The following AMBN variants were observed in gnomAD, a reference collection of about 807,000 sequenced individuals.
AMBN encodes the protein ameloblastin, also known as enamel matrix protein.
AMBN carries 54 observed loss-of-function variants against 48.0 expected under a neutral mutation model. The ratio of observed to expected loss-of-function variants is 1.12; its 90% CI spans 0.90 to 1.41. The LOEUF is 1.41. Ranked by LOEUF, AMBN falls within the 40% of genes most tolerant of loss-of-function variation. The pLI is 0.00. For missense variants in AMBN, 571 were observed against 547.3 expected, an observed-to-expected ratio of 1.04 and a Z score of -0.43; for synonymous variants, 186 against 190.0, an observed-to-expected ratio of 0.98 and a Z score of 0.17.
rs747119987 is a variant in AMBN at position 70,603,886 on chromosome 4, G to T, written c.763G>T (p.Ala255Ser). ...ATTTCTTTTTGAACAGAATGCCCCT[G>T]CCAGACTTGGCATCATGAGTTCAGA... ...PFGANQLNAP[A>S]RLGIMSSEEV... The change falls in exon 12 of 13, where the codon GCC becomes TCC. Residue 255 changes from alanine (A) to serine (S), a missense_variant. By Grantham distance (99) the Ala-to-Ser change is moderately conservative. Coordinates refer to ENST00000322937, the MANE Select transcript of AMBN (RefSeq NM_016519.6). The T allele has an allele frequency of 1.2e-6, 2 of 1,614,008 alleles. No individual in the cohort carries two copies. Among genetic ancestry groups the T allele is most frequent in the Admixed American group, 3.3e-5 (2 of 60,020 alleles).
intron 8 of AMBN, 52 bp from the exon 9 acceptor site, chr4:70,602,920 T>A: frequency 6.5e-7 from 1 of 1,536,852 alleles, no homozygotes; most frequent in Non-Finnish European, 8.8e-7. Context: ...TTTGCATTTA[T>A]CTATTTTGTT....
At chr4:70,597,095 A>G in intron 3 of AMBN, 46 bp downstream of exon 3, 1 of 1,535,974 alleles carries the variant, frequency 6.5e-7, no homozygotes, top group African/African-American at 1.4e-5. Context: ...ACATTGGTAT[A>G]TTTGTGGTAC....
chr4:70,592,402 G>A (rs1288805161), intron 1 of AMBN, 29 bp downstream of exon 1: 13 of 1,613,090 alleles, frequency 8.1e-6, no homozygotes, highest in African/African-American at 2.7e-5. Context: ...ATTTCCATGT[G>A]TTTCCTGTAA....
At chr4:70,593,280 G>T in intron 1 of AMBN, 47 bp from the exon 2 acceptor site, 2 of 1,486,996 alleles carry the variant, frequency 1.3e-6, no homozygotes, top group Admixed American at 3.5e-5. Context: ...TAACCATTCT[G>T]AATAAAAATT....
chr4:70,601,790 C>T lies in AMBN; in HGVS notation c.531+136C>T, dbSNP rs1310774927. On this transcript the variant is annotated intron_variant, in intron 6 of 12. Transcript: ENST00000322937. ...ATAAATATATTCTTAATCAGTCTTC[C>T]ACATCTGAGATTTATTTTTTGAGTA... 4.8e-6 allele frequency: 4 copies of T among 826,914 alleles called. No individual in the cohort carries two copies. In the East Asian group the frequency reaches 1.0e-4, roughly 21 times the overall value. 51.2% of individuals were successfully genotyped at this position (826,914 alleles called of 1,614,324 possible).
intron 1 of AMBN, among the ~76,000 whole-genome samples, chr4:70,592,800 T>C (rs1277601681): frequency 6.6e-6 from 1 of 152,176 alleles, no homozygotes; most frequent in Admixed American, 6.5e-5. Flanking sequence ...TTTACTCTCA[T>C]TTGAAAAGAA....
chr4:70,598,375 G>C lies in AMBN; in HGVS notation c.155G>C (p.Ser52Thr). 6.3e-7 allele frequency: 1 copy of C among 1,588,088 alleles called. No homozygotes were observed. Among genetic ancestry groups the C allele is most frequent in the Non-Finnish European group, 8.6e-7 (1 of 1,167,084 alleles). ...LSLETMRQLG[S>T]LQRLNTLSQY... ...TGATAGACAATGAGACAGTTGGGAA[G>C]TCTGCAGAGATTAAACACACTTTCT... The change falls in exon 4 of 13, where the codon AGT becomes ACT. Residue 52 changes from serine (S) to threonine (T), a missense_variant. Ser to Thr is a moderately conservative substitution (Grantham distance 58). Coordinates refer to ENST00000322937, the MANE Select transcript of AMBN (RefSeq NM_016519.6).
rs1737638537 is a variant in AMBN, at chr4:70,606,175, T to C, written c.799-10T>C. On this transcript the variant is annotated splice_polypyrimidine_tract_variant and intron_variant, in intron 12 of 12. Coordinates refer to ENST00000322937, the MANE Select transcript of AMBN (RefSeq NM_016519.6). Reference sequence around the variant, plus strand: ...ATGATGGCATCTTTGACGAATGTTTTTTTTTCCAGGGCGGGAGAGAAGACC... The same window carrying C: ...ATGATGGCATCTTTGACGAATGTTTCTTTTTCCAGGGCGGGAGAGAAGACC... 6.2e-7 allele frequency: 1 copy of C among 1,612,376 alleles called. No individual in the cohort carries two copies.
chr4:70,601,451 C>A lies in AMBN; in HGVS notation c.328C>A (p.Leu110Ile), dbSNP rs756726075. Residue 110 changes from leucine (L) to isoleucine (I), a missense_variant, in exon 6 of 13, where the codon CTC (leucine) becomes ATC (isoleucine). Transcript: ENST00000322937. ...EYSLPVHPPP[L>I]PSQPSLKPQQ... ...TTCTTTGCCTGTGCATCCCCCACCT[C>A]TCCCATCACAGCCATCCTTGAAGCC... 4 of 1,614,220 alleles carry A rather than the reference C, an allele frequency of 2.5e-6. No homozygotes were observed. The East Asian group carries it at 6.7e-5, about 27-fold the overall frequency.
At chr4:70,594,263 C>T (rs1306348549) in intron 2 of AMBN, among the ~76,000 whole-genome samples, 1 of 152,148 alleles carries the variant, frequency 6.6e-6, no homozygotes, top group Non-Finnish European at 1.5e-5. Flanking sequence ...ATTACAGTCC[C>T]ACACCTGATC....
At position 70,606,510 on chromosome 4, in the gene AMBN, T is replaced by C; in HGVS notation, c.1124T>C (p.Leu375Pro). The C allele has an allele frequency of 6.2e-7, 1 of 1,614,014 alleles. No homozygotes were observed. ...PRSPSGKMKGLPSVTPAAADP... is the reference protein window; with the variant it reads ...PRSPSGKMKGPPSVTPAAADP... The stretch of plus-strand genomic sequence containing the variant: ...AGCCCTTCAGGGAAGATGAAGGGAC[T>C]CCCCAGCGTCACCCCAGCAGCTGCT... The change falls in exon 13 of 13, where the codon CTC becomes CCC. Residue 375 changes from leucine (L) to proline (P), a missense_variant. Leu to Pro is a moderately conservative substitution (Grantham distance 98). Transcript: ENST00000322937.
chr4:70,603,525 A>G (rs1327385350), intron 11 of AMBN, 65 bp downstream of exon 11: 3 of 1,478,968 alleles, frequency 2.0e-6, no homozygotes, highest in East Asian at 2.4e-5. Context: ...CTAAAATTCA[A>G]AAATCTAGGT....
intron 2 of AMBN, among the ~76,000 whole-genome samples, chr4:70,595,768 C>T (rs1279110689): frequency 6.6e-6 from 1 of 152,106 alleles, no homozygotes; most frequent in Non-Finnish European, 1.5e-5. Flanking sequence ...ACTCTAATTC[C>T]TACTCTTCCA....
intron 5 of AMBN, among the ~76,000 whole-genome samples, chr4:70,600,327 T>TAA (rs879503656): frequency 3.5e-5 from 5 of 142,594 alleles, no homozygotes; most frequent in African/African-American, 1.3e-4. Context: ...TTAAGAAATT[T>TAA]AAAAAAAAAA....
chr4:70,605,739 C>A (rs1248684145), intron 12 of AMBN, among the ~76,000 whole-genome samples: 3 of 151,766 alleles, frequency 2.0e-5, no homozygotes, highest in Admixed American at 2.0e-4. Flanking sequence ...CAGCCTGGGC[C>A]GTATAATGAG....
Position 70,606,228 on chromosome 4 carries a change from G to A in AMBN, c.842G>A (p.Gly281Glu), listed in dbSNP as rs778971384. 37 of 1,613,996 alleles carry A rather than the reference G, an allele frequency of 2.3e-5. No individual in the cohort carries two copies. The highest frequency in any genetic ancestry group is 3.1e-5 in the Non-Finnish European group (37 of 1,179,996). Residue 281 changes from glycine to glutamate, a missense_variant, in exon 13 of 13, where the codon GGA (glycine) becomes GAA (glutamate). Transcript: ENST00000322937. ...ATGGCCTATGGAGCCATGTTTCCAG[G>A]ATTTGGAGGCATGAGGCCCGGCTTT... ...DPMAYGAMFP[G>E]FGGMRPGFEG...
chr4:70,599,706 CTTCT>C (rs1737477319), intron 5 of AMBN, 60 bp downstream of exon 5: 1 of 1,285,718 alleles, frequency 7.8e-7, no homozygotes, highest in South Asian at 1.4e-5. Context: ...TCTTACTTGC[CTTCT>C]TTAAGTTATG....
intron 5 of AMBN, among the ~76,000 whole-genome samples, chr4:70,600,894 G>A (rs991837660): frequency 1.3e-5 from 2 of 152,150 alleles, no homozygotes; most frequent in Admixed American, 6.5e-5. Flanking sequence ...TGGACTCCAT[G>A]ATGCAAGAAT....
At chr4:70,601,797 G>A (rs1347803326) in intron 6 of AMBN, 143 bp downstream of exon 6, 25 of 813,228 alleles carry the variant, frequency 3.1e-5, no homozygotes, top group Non-Finnish European at 5.1e-5. Flanking sequence ...TTCCACATCT[G>A]AGATTTATTT....
Sources: gnomAD v4.1 joint callset for allele counts (sites outside exome capture counted in the v4.1 genomes callset) on GRCh38, gnomAD v4.1.1 for gene constraint, MANE v1.5 for transcripts, NCBI Gene and HGNC (gene_info 2026-07-23, HGNC 2026-07-21) for gene names.